The following MTMR14 variants were observed in gnomAD, a reference collection of about 807,000 sequenced individuals.
MTMR14 encodes myotubularin related protein 14.
A neutral mutation model predicts 86.3 loss-of-function variants in MTMR14; 48 were observed. That is an observed-to-expected ratio of 0.56 (90% CI 0.44 to 0.71). MTMR14 has a LOEUF of 0.71. Ranked by LOEUF, MTMR14 falls within the 30% of genes least tolerant of loss-of-function variation. The probability of loss-of-function intolerance (pLI) is 0.00; values close to 1 mark genes in which losing one functional copy is unlikely to be tolerated. For missense variants in MTMR14, 780 were observed against 834.6 expected (o/e 0.93, Z 0.81); for synonymous variants, 366 against 326.1 (o/e 1.12, Z -1.32).
At chr3:9,690,803 A>AAACAC (rs2076116031) in intron 17 of MTMR14, among the ~76,000 whole-genome samples, 1 of 152,186 alleles carries the variant, frequency 6.6e-6, no homozygotes, top group Non-Finnish European at 1.5e-5. Context: ...TTTGTGTTCT[A>AAACAC]AAGTTTTGAG....
At chr3:9,672,610 A>G in intron 6 of MTMR14, 75 bp from the exon 7 acceptor site, 2 of 1,285,176 alleles carry the variant, frequency 1.6e-6, no homozygotes, top group Non-Finnish European at 2.3e-6. Context: ...TTGTGATTAT[A>G]ACCCTTATTT....
At chr3:9,686,292 C>T (rs1462644356) in intron 13 of MTMR14, among the ~76,000 whole-genome samples, 4 of 152,222 alleles carry the variant, frequency 2.6e-5, no homozygotes, top group Non-Finnish European at 5.9e-5. Flanking sequence ...TTTGTAGCCT[C>T]TCATTTTGGG....
At chr3:9,672,598 A>G (rs1489842598) in intron 6 of MTMR14, 87 bp from the exon 7 acceptor site, 19 of 1,181,904 alleles carry the variant, frequency 1.6e-5, no homozygotes, top group Non-Finnish European at 2.2e-5. Context: ...CAGAAGCTTC[A>G]TTTGTGATTA....
At position 9,668,627 on chromosome 3, in the gene MTMR14, G is replaced by T. The variant is rs958883445; in HGVS notation, c.418-92G>T. 3 of 1,362,894 alleles carry T rather than the reference G, an allele frequency of 2.2e-6. No homozygotes were observed. The African/African-American group carries it at 4.3e-5, about 19-fold the overall frequency. The allele number at this position is 1,362,894 out of a possible 1,614,324, so 84.4% of individuals were successfully genotyped here. A position where few individuals can be genotyped will look rare whatever the true frequency, so the allele number is the denominator to read the frequency against. On this transcript the variant is annotated intron_variant, in intron 3 of 18. Transcript: ENST00000296003. ...GGAGTGCTCCTGGGCCCGTTATGCT[G>T]GCCTGGAAGAGTCAGAGGAGTCCCA... is the stretch of plus-strand genomic sequence containing the variant.
In MTMR14 at chr3:9,671,143, A is replaced by T; in HGVS notation, c.650A>T (p.Glu217Val). The T allele has an allele frequency of 6.2e-7, 1 of 1,614,238 alleles. No homozygotes were observed. Among genetic ancestry groups the T allele is most frequent in the Admixed American group, 1.7e-5 (1 of 60,018 alleles). ...SVKYICDLMV[E>V]NKKVKFGMNV... ...AAATACATCTGTGACCTGATGGTGGAGAACAAGAAGGTGAAGTTTGGCATG... is the reference window on the plus strand; with the variant it reads ...AAATACATCTGTGACCTGATGGTGGTGAACAAGAAGGTGAAGTTTGGCATG... The change falls in exon 6 of 19, where the codon GAG (glutamate) becomes GTG (valine). Residue 217 changes from glutamate (E) to valine (V), a missense_variant. Physicochemically the swap from Glu to Val is moderately radical, Grantham distance 121. Coordinates refer to ENST00000296003, the MANE Select transcript of MTMR14 (RefSeq NM_001077525.3).
intron 3 of MTMR14, among the ~76,000 whole-genome samples, chr3:9,665,005 C>T (rs533049275): frequency 4.6e-5 from 7 of 152,162 alleles, no homozygotes; most frequent in South Asian, 4.1e-4. Flanking sequence ...AAATATCGGC[C>T]GGGCACGATG....
chr3:9,672,887 G>T (rs892540155), intron 7 of MTMR14, 129 bp downstream of exon 7: 8 of 859,108 alleles, frequency 9.3e-6, no homozygotes, highest in Middle Eastern at 5.9e-4. Flanking sequence ...AGGCAGTGTA[G>T]GACATTTTGG....
intron 2 of MTMR14, 60 bp from the exon 3 acceptor site, chr3:9,662,207 A>T: frequency 8.0e-7 from 1 of 1,251,612 alleles, no homozygotes. Flanking sequence ...GAATAAACAC[A>T]TATACACAAA....
chr3:9,650,433 T>C (rs1483401850), intron 1 of MTMR14: 5 of 453,736 alleles, frequency 1.1e-5, no homozygotes, highest in South Asian at 3.1e-5. Context: ...GCCATCTCAT[T>C]CCCCCACGTG....
At chr3:9,665,168 G>C (rs975234096) in intron 3 of MTMR14, among the ~76,000 whole-genome samples, 2 of 151,636 alleles carry the variant, frequency 1.3e-5, no homozygotes, top group Non-Finnish European at 2.9e-5. Context: ...TATAATCCCA[G>C]CTACTCCGGA....
Position 9,689,075 on chromosome 3 carries a change from G to A in MTMR14, c.1426G>A (p.Ala476Thr), listed in dbSNP as rs2125317006. The stretch of plus-strand genomic sequence containing the variant: ...GGTCCCAGCAGGAGCGCCAACTCAG[G>A]CAGCTTGGTAAGGGGCCAGACTTGG... Reference protein sequence around the residue: ...ELVPAGAPTQAAWRKSHSSSP... With the variant: ...ELVPAGAPTQTAWRKSHSSSP... The change falls in exon 16 of 19, where the codon GCA (alanine) becomes ACA (threonine). Residue 476 changes from alanine to threonine, a missense_variant. By Grantham distance (58) the Ala-to-Thr change is moderately conservative. Transcript: ENST00000296003. 1 of 1,611,414 alleles carries A rather than the reference G, an allele frequency of 6.2e-7. No homozygotes were observed.
chr3:9,651,017 T>C (rs1435365691), intron 1 of MTMR14, among the ~76,000 whole-genome samples: 1 of 152,154 alleles, frequency 6.6e-6, no homozygotes, highest in Non-Finnish European at 1.5e-5. Flanking sequence ...CTTGAACTCC[T>C]GAGCTCAGGT....
chr3:9,677,663 G>A lies in MTMR14; in HGVS notation c.822+276G>A, dbSNP rs2075627610. ...AAAGCCCTTCCCTTCTGTACTCTCT[G>A]TGTGAAAGCTGGGGGCAGCATTCTT... On this transcript the variant is annotated intron_variant, in intron 8 of 18. Coordinates refer to ENST00000296003, the MANE Select transcript of MTMR14 (RefSeq NM_001077525.3). This position sits in a 1 kb window ranked among gnomAD's most constrained non-coding sequence, Gnocchi z 4.2. Among the ~76,000 whole-genome samples, 3 of 152,228 alleles carry A rather than the reference G, an allele frequency of 2.0e-5. No homozygotes were observed. The East Asian group carries it at 5.8e-4, about 29-fold the overall frequency.
chr3:9,673,527 A>C (rs1183297378), intron 7 of MTMR14, among the ~76,000 whole-genome samples: 1 of 151,960 alleles, frequency 6.6e-6, no homozygotes, highest in Non-Finnish European at 1.5e-5. Context: ...GGGAGTAAAT[A>C]CTCTTTCTCC....
At chr3:9,664,493 A>G (rs3868041) in intron 3 of MTMR14, among the ~76,000 whole-genome samples, 30,197 of 151,884 alleles carry the variant, frequency 0.2, 5,057 homozygotes, top group African/African-American at 0.46. Flanking sequence ...TTGCTTCCAC[A>G]ACCTAAATGT....
rs149779736 is a variant in MTMR14, at chr3:9,661,862, G to A, written c.309-405G>A. Among the ~76,000 whole-genome samples the A allele has an allele frequency of 2.8e-3, 431 of 151,932 alleles. 5 individuals carry two copies. The highest frequency in any genetic ancestry group is 9.6e-3 in the African/African-American group (397 of 41,420). ...GGCACTTTGGGAGGCCGAGGTGGGC[G>A]GATCGCCTGAGGTCAGGAGTTTGAG... On this transcript the variant is annotated intron_variant, in intron 2 of 18. Transcript: ENST00000296003.
Position 9,677,943 on chromosome 3 carries a change from G to T in MTMR14, c.823-41G>T. On this transcript the variant is annotated intron_variant, in intron 8 of 18. Transcript: ENST00000296003. This position sits in a 1 kb window ranked among gnomAD's most constrained non-coding sequence, Gnocchi z 4.2. The stretch of plus-strand genomic sequence containing the variant: ...CTTCCCCATCACCTAAGCCTCCTCT[G>T]GTGGCCAACCCACATCTCACAGGAG... 1 of 1,602,806 alleles carries T rather than the reference G, an allele frequency of 6.2e-7. No homozygotes were observed. Among genetic ancestry groups the T allele is most frequent in the Non-Finnish European group, 8.5e-7 (1 of 1,170,668 alleles).
At chr3:9,650,208 C>A in intron 1 of MTMR14, 3 of 417,372 alleles carry the variant, frequency 7.2e-6, no homozygotes, top group Non-Finnish European at 1.5e-5. Flanking sequence ...CTCAGCATGA[C>A]TTAGGCCCAT....
At chr3:9,676,952 G>A (rs75938917) in intron 7 of MTMR14, among the ~76,000 whole-genome samples, 20,005 of 152,252 alleles carry the variant, frequency 0.13, 1,692 homozygotes, top group African/African-American at 0.24. Context: ...AGTGGCTCAC[G>A]TTGTGAGTCA....
Sources: allele counts gnomAD v4.1 joint callset (sites outside exome capture counted in the v4.1 genomes callset), GRCh38; gene constraint gnomAD v4.1.1; non-coding constraint Gnocchi (gnomAD v3.1); transcripts MANE v1.5; gene names NCBI Gene and HGNC (gene_info 2026-07-23, HGNC 2026-07-21).